The following TIMM50 variants were observed in gnomAD, a reference collection of about 807,000 sequenced individuals.
TIMM50 encodes translocase of inner mitochondrial membrane 50, also known as mitochondrial import inner membrane translocase subunit TIM50.
In TIMM50, 34 loss-of-function variants were observed where a neutral mutation model predicts 49.6. The observed-to-expected ratio is 0.69, with a 90% CI of 0.52 to 0.91. TIMM50 has a LOEUF of 0.91. Among genes scored for constraint, TIMM50 ranks in the 40% least tolerant of loss-of-function variants. TIMM50 has a pLI of 0.00. For synonymous variants in TIMM50, 199 were observed against 198.4 expected, an observed-to-expected ratio of 1.00 and a Z score of -0.03; for missense variants, 458 against 477.8, an observed-to-expected ratio of 0.96 and a Z score of 0.39.
chr19:39,485,218 T>A (rs1568441526), intron 4 of TIMM50: 1 of 367,596 alleles, frequency 2.7e-6, no homozygotes, highest in Non-Finnish European at 5.2e-6. Flanking sequence ...TGCCTCGGCC[T>A]CCCAAAGTGC....
At position 39,485,614 on chromosome 19, in the gene TIMM50, C is replaced by T. The variant is rs202192518; in HGVS notation, c.372+12C>T. On this transcript the variant is annotated intron_variant, in intron 5 of 10. Transcript: ENST00000607714. ...AAGATTATAGACAGGTGAGCAGAAG[C>T]CCTGGGCTCAGTCCCCATGTCTCCA... 3 of 1,614,146 alleles carry T rather than the reference C, an allele frequency of 1.9e-6. No individual in the cohort carries two copies. Among genetic ancestry groups the T allele is most frequent in the East Asian group, 2.2e-5 (1 of 44,888 alleles).
rs1180697039 is a variant in TIMM50 at position 39,489,701 on chromosome 19, A to G, written c.961-18A>G. 4 of 1,592,306 alleles carry G rather than the reference A, an allele frequency of 2.5e-6. No homozygotes were observed. The highest frequency in any genetic ancestry group is 1.3e-5 in the African/African-American group (1 of 74,622). ...CACCTTGCGCTGACCCTCTCCTCCA[A>G]CTGTCCCCCTACCCCAGGAGGAGCA... On this transcript the variant is annotated intron_variant, in intron 10 of 10. Transcript: ENST00000607714.
intron 2 of TIMM50, among the ~76,000 whole-genome samples, chr19:39,482,424 G>A (rs781272585): frequency 1.3e-5 from 2 of 152,098 alleles, no homozygotes; most frequent in East Asian, 1.9e-4. Context: ...TTGGGAGGCC[G>A]AGGCGGGCGG....
At chr19:39,487,546 C>T (rs575821178) in intron 8 of TIMM50, among the ~76,000 whole-genome samples, 133 of 152,272 alleles carry the variant, frequency 8.7e-4, no homozygotes, top group Non-Finnish European at 1.5e-3. Context: ...CAACCTCCCC[C>T]TCCCAGGTTC....
At chr19:39,486,966 G>C (rs908251286) in intron 8 of TIMM50, among the ~76,000 whole-genome samples, 1 of 152,108 alleles carries the variant, frequency 6.6e-6, no homozygotes, top group South Asian at 2.1e-4. Context: ...TCTGTGTCGT[G>C]TCGGGGTGGG....
At position 39,482,874 on chromosome 19, in the gene TIMM50, C is replaced by T; in HGVS notation, c.260-11C>T. The T allele has an allele frequency of 6.2e-7, 1 of 1,614,066 alleles. No individual in the cohort carries two copies. Among genetic ancestry groups the T allele is most frequent in the East Asian group, 2.2e-5 (1 of 44,850 alleles). On this transcript the variant is annotated splice_polypyrimidine_tract_variant and intron_variant, in intron 2 of 10. Coordinates refer to ENST00000607714, the MANE Select transcript of TIMM50 (RefSeq NM_001001563.5). Reference sequence around the variant, plus strand: ...CCTAATTCCTCATATTCATCCTGGTCTCCCTTGCAGGAAACAACCCGGTGG... The same window carrying T: ...CCTAATTCCTCATATTCATCCTGGTTTCCCTTGCAGGAAACAACCCGGTGG...
intron 8 of TIMM50, among the ~76,000 whole-genome samples, chr19:39,487,747 C>T (rs1400853666): frequency 6.6e-6 from 1 of 152,180 alleles, no homozygotes; most frequent in Non-Finnish European, 1.5e-5. Context: ...TCGTGAGCCA[C>T]CGCACCCGGC....
At chr19:39,487,207 C>T (rs908196793) in intron 8 of TIMM50, among the ~76,000 whole-genome samples, 16 of 152,182 alleles carry the variant, frequency 1.1e-4, no homozygotes, top group African/African-American at 3.9e-4. Flanking sequence ...CTAATCACCT[C>T]TCTGTGTGCT....
intron 2 of TIMM50, 38 bp downstream of exon 2, chr19:39,482,071 G>C (rs758703220): frequency 3.7e-6 from 6 of 1,600,104 alleles, no homozygotes; most frequent in Admixed American, 1.7e-5. Flanking sequence ...TTTGTTCCTT[G>C]GCCTCCCTGG....
At chr19:39,487,049 G>A (rs1454178829) in intron 8 of TIMM50, among the ~76,000 whole-genome samples, 1 of 152,118 alleles carries the variant, frequency 6.6e-6, no homozygotes, top group Non-Finnish European at 1.5e-5. Flanking sequence ...CTGTGTCTGG[G>A]TGCCTGTCTG....
At chr19:39,486,109 C>T in intron 6 of TIMM50, 78 bp from the exon 7 acceptor site, 5 of 1,419,512 alleles carry the variant, frequency 3.5e-6, no homozygotes, top group Non-Finnish European at 5.0e-6. Flanking sequence ...GGGAATCCCC[C>T]AGGCTGGATC....
chr19:39,488,540 C>A lies in TIMM50; in HGVS notation c.855C>A (p.Thr285=). Reference sequence around the variant, plus strand: ...GACCACCCCCTGTTGTGCCCACAGCCATTGCACTGAATGGTGTGGAGGACG... The same window carrying A: ...GACCACCCCCTGTTGTGCCCACAGCAATTGCACTGAATGGTGTGGAGGACG... The part of the protein sequence containing the change: ...VLLDLSAFLK[T]IALNGVEDVR... Residue 285 remains threonine (T), a splice_region_variant and synonymous_variant, in exon 10 of 11, where the codon ACC becomes ACA. Transcript: ENST00000607714. The A allele has an allele frequency of 6.2e-7, 1 of 1,612,296 alleles. No homozygotes were observed. The highest frequency in any genetic ancestry group is 8.5e-7 in the Non-Finnish European group (1 of 1,179,582).
In TIMM50 at chr19:39,485,784, G is replaced by A. The variant is rs540879597; in HGVS notation, c.469G>A (p.Val157Ile). Residue 157 changes from valine (V) to isoleucine (I), a missense_variant, in exon 6 of 11, where the codon GTC becomes ATC. Transcript: ENST00000607714. ...PYTLVLELTGVLLHPEWSLAT... is the reference protein window; with the variant it reads ...PYTLVLELTGILLHPEWSLAT... Reference sequence around the variant, plus strand: ...CACGCTCGTTTTGGAGCTCACCGGCGTCCTCTTGCATCCTGAGTGGTCGGT... The same window carrying A: ...CACGCTCGTTTTGGAGCTCACCGGCATCCTCTTGCATCCTGAGTGGTCGGT... 4.3e-5 allele frequency: 70 copies of A among 1,614,120 alleles called. No individual in the cohort carries two copies. Among genetic ancestry groups the A allele is most frequent in the Non-Finnish European group, 5.3e-5 (63 of 1,180,028 alleles).
chr19:39,482,813 TATCC>T, intron 2 of TIMM50, 68 bp from the exon 3 acceptor site: 1 of 1,601,252 alleles, frequency 6.2e-7, no homozygotes, highest in Non-Finnish European at 8.6e-7. Context: ...CCAGGCCCCT[TATCC>T]CACTCCTCCC....
chr19:39,487,510 T>C (rs1284979491), intron 8 of TIMM50, among the ~76,000 whole-genome samples: 1 of 151,892 alleles, frequency 6.6e-6, no homozygotes, highest in Non-Finnish European at 1.5e-5. Flanking sequence ...TAGGCTGGAG[T>C]GCAGTGGCGC....
chr19:39,486,020 G>A lies in TIMM50; in HGVS notation c.493-167G>A, dbSNP rs535437431. 6.5e-6 allele frequency: 7 copies of A among 1,078,756 alleles called. No homozygotes were observed. In the Admixed American group the frequency reaches 9.7e-5, roughly 15 times the overall value. The allele number at this position is 1,078,756 out of a possible 1,614,324, so 66.8% of individuals were successfully genotyped here. A position where few individuals can be genotyped will look rare whatever the true frequency, so the allele number is the denominator to read the frequency against. On this transcript the variant is annotated intron_variant, in intron 6 of 10. Coordinates refer to ENST00000607714, the MANE Select transcript of TIMM50 (RefSeq NM_001001563.5). ...CCAGGCACGCTATAAGTGCCACAAAGGAGCCAGACCCGCAGTCACAGCCTA... is the reference window on the plus strand; with the variant it reads ...CCAGGCACGCTATAAGTGCCACAAAAGAGCCAGACCCGCAGTCACAGCCTA...
At chr19:39,485,178 G>T (rs1287003587) in intron 4 of TIMM50, 1 of 267,648 alleles carries the variant, frequency 3.7e-6, no homozygotes, top group East Asian at 8.6e-5. Flanking sequence ...TGTTGGCCAG[G>T]ATGGTCTTGA....
Position 39,490,642 on chromosome 19 carries a change from G to A in TIMM50, c.*822G>A, listed in dbSNP as rs2079538947. 1 of 151,830 alleles carries A rather than the reference G, an allele frequency of 6.6e-6. No individual in the cohort carries two copies. The allele number at this position is 151,830 out of a possible 1,614,324, so 9.4% of individuals were successfully genotyped here. The stretch of plus-strand genomic sequence containing the variant: ...TAGTCTTAAGCAATCTTCCTGCTTT[G>A]GCCTCCCAAAGCGCTAGGATTCCAG... On this transcript the variant is annotated 3_prime_UTR_variant, in exon 11 of 11. Transcript: ENST00000607714.
At chr19:39,483,103 C>T in intron 3 of TIMM50, 32 bp from the exon 4 acceptor site, 1 of 1,614,112 alleles carries the variant, frequency 6.2e-7, no homozygotes, top group Non-Finnish European at 8.5e-7. Context: ...CTCTGACATC[C>T]TAAACCTTCC....
Sources: allele counts gnomAD v4.1 joint callset (sites outside exome capture counted in the v4.1 genomes callset), GRCh38; gene constraint gnomAD v4.1.1; transcripts MANE v1.5; gene names NCBI Gene and HGNC (gene_info 2026-07-23, HGNC 2026-07-21).